The following FGF14 variants were observed in gnomAD, a reference collection of about 807,000 sequenced individuals.
FGF14 encodes the protein fibroblast growth factor homologous factor 4.
A neutral mutation model predicts 25.5 loss-of-function variants in FGF14; 5 were observed. The ratio of observed to expected loss-of-function variants is 0.20; its 90% CI spans 0.10 to 0.41. The LOEUF (loss-of-function observed/expected upper bound fraction) is 0.41, where lower values mean the gene tolerates loss of function less well. FGF14 is among the 10% of genes least tolerant of loss of function. The pLI, the probability that FGF14 is intolerant of heterozygous loss-of-function variation, is 1.00. For synonymous variants in FGF14, 138 were observed against 118.3 expected, an observed-to-expected ratio of 1.17 and a Z score of -1.08; for missense variants, 222 against 320.1, an observed-to-expected ratio of 0.69 and a Z score of 2.34.
intron 1 of FGF14, among the ~76,000 whole-genome samples, chr13:101,958,549 C>T (rs1334491137): frequency 6.6e-6 from 1 of 152,222 alleles, no homozygotes; most frequent in Non-Finnish European, 1.5e-5. Context: ...CTACACTCCA[C>T]TTGCTGCTCT....
At chr13:102,060,470 G>A (rs1243787265) in intron 1 of FGF14, among the ~76,000 whole-genome samples, 1 of 152,206 alleles carries the variant, frequency 6.6e-6, no homozygotes, top group Non-Finnish European at 1.5e-5. Flanking sequence ...AGCTTGCAGT[G>A]AGCCGAGATC....
intron 1 of FGF14, among the ~76,000 whole-genome samples, chr13:101,955,093 T>A (rs997186748): frequency 1.5e-4 from 23 of 152,240 alleles, no homozygotes; most frequent in African/African-American, 5.5e-4. Context: ...CTCTAACTCT[T>A]GAATAGTGTG....
intron 1 of FGF14, among the ~76,000 whole-genome samples, chr13:102,281,357 C>T (rs1043814337): frequency 6.6e-6 from 1 of 152,100 alleles, no homozygotes; most frequent in African/African-American, 2.4e-5. Flanking sequence ...GTGGCCCTCT[C>T]CCTGAAAACT....
intron 3 of FGF14, among the ~76,000 whole-genome samples, chr13:101,757,615 TG>T (rs2037749171): frequency 6.6e-6 from 1 of 152,216 alleles, no homozygotes; most frequent in African/African-American, 2.4e-5. Context: ...TTACTTTATA[TG>T]CACCCTGATT....
At chr13:102,394,202 T>A (rs1566984664) in intron 1 of FGF14, among the ~76,000 whole-genome samples, 1 of 152,160 alleles carries the variant, frequency 6.6e-6, no homozygotes, top group Non-Finnish European at 1.5e-5. Flanking sequence ...CCAGCTCCCT[T>A]CCCTTTCCTT....
chr13:101,805,371 A>T (rs773454756), intron 3 of FGF14, among the ~76,000 whole-genome samples: 2 of 152,186 alleles, frequency 1.3e-5, no homozygotes, highest in Admixed American at 6.6e-5. Flanking sequence ...TTGTATTTTT[A>T]AAATATAAGA....
At chr13:102,103,005 G>A (rs1005943237) in intron 1 of FGF14, among the ~76,000 whole-genome samples, 17 of 152,142 alleles carry the variant, frequency 1.1e-4, no homozygotes, top group African/African-American at 4.1e-4. Flanking sequence ...TGTGACATCT[G>A]CCTGGCAAAA....
intron 1 of FGF14, among the ~76,000 whole-genome samples, chr13:101,937,429 T>G (rs186816256): frequency 6.6e-6 from 1 of 152,076 alleles, no homozygotes; most frequent in Non-Finnish European, 1.5e-5. Flanking sequence ...CACACAGAGA[T>G]CCCAGGGTTG....
At chr13:102,034,983 C>G (rs2041398681) in intron 1 of FGF14, among the ~76,000 whole-genome samples, 1 of 152,050 alleles carries the variant, frequency 6.6e-6, no homozygotes, top group Admixed American at 6.6e-5. Flanking sequence ...ATGTCTAATA[C>G]CATCTTCTGT....
intron 1 of FGF14, among the ~76,000 whole-genome samples, chr13:102,201,902 C>T (rs924363965): frequency 1.3e-5 from 2 of 152,068 alleles, no homozygotes; most frequent in African/African-American, 2.4e-5. Flanking sequence ...CCAAATCTCC[C>T]GTTGGATTAT....
Position 101,736,813 on chromosome 13 carries a change from C to T in FGF14, c.409-10003G>A, listed in dbSNP as rs564550889. Among the ~76,000 whole-genome samples the T allele has an allele frequency of 1.0e-3, 157 of 151,760 alleles. 1 individual carries two copies. Among genetic ancestry groups the T allele is most frequent in the African/African-American group, 3.6e-3 (151 of 41,490 alleles). On this transcript the variant is annotated intron_variant, in intron 3 of 4. Transcript: ENST00000376143. ...GAGAGTTTGTACAGTTAGTAAGTGG[C>T]GAAGCAGGTTCTAATGCCAACCTGA...
At chr13:102,006,930 G>A (rs915755264) in intron 1 of FGF14, among the ~76,000 whole-genome samples, 2 of 150,600 alleles carry the variant, frequency 1.3e-5, no homozygotes, top group Admixed American at 1.3e-4. Context: ...ATTTTTAGTA[G>A]AGACGGGGTT....
intron 1 of FGF14, among the ~76,000 whole-genome samples, chr13:102,031,765 T>C (rs1004539668): frequency 5.3e-5 from 8 of 151,942 alleles, no homozygotes; most frequent in Non-Finnish European, 5.9e-5. Flanking sequence ...TAGAAATGTA[T>C]TTCCTTAAGG....
At chr13:101,978,639 A>G (rs1473008458) in intron 1 of FGF14, among the ~76,000 whole-genome samples, 1 of 152,230 alleles carries the variant, frequency 6.6e-6, no homozygotes, top group Non-Finnish European at 1.5e-5. Context: ...CATCTCCAAT[A>G]TCACTATGCT....
At chr13:101,916,307 C>T in intron 1 of FGF14, 146 bp downstream of exon 1, 1 of 994,770 alleles carries the variant, frequency 1.0e-6, no homozygotes, top group South Asian at 1.4e-5. Context: ...TCCAGGGTCC[C>T]CGCGACGGCA....
At chr13:101,988,397 C>G (rs1280291466) in intron 1 of FGF14, among the ~76,000 whole-genome samples, 4 of 151,856 alleles carry the variant, frequency 2.6e-5, no homozygotes, top group African/African-American at 9.7e-5. Context: ...TCTATTCAAC[C>G]CAACACAAAT....
At chr13:101,888,199 A>G (rs1032174614) in intron 1 of FGF14, among the ~76,000 whole-genome samples, 2 of 152,152 alleles carry the variant, frequency 1.3e-5, no homozygotes, top group African/African-American at 4.8e-5. Flanking sequence ...GAAATAGTAA[A>G]CATATTTTCT....
intron 1 of FGF14, among the ~76,000 whole-genome samples, chr13:102,150,546 C>T (rs2047040413): frequency 6.6e-6 from 1 of 152,220 alleles, no homozygotes; most frequent in South Asian, 2.1e-4. Context: ...CCTATGATTC[C>T]CGATTCTATT....
chr13:101,829,753 C>G (rs2042578635), intron 3 of FGF14, among the ~76,000 whole-genome samples: 2 of 152,052 alleles, frequency 1.3e-5, no homozygotes, highest in Admixed American at 1.3e-4. Context: ...TCTTGATTCA[C>G]TAGGGGTTAA....
Sources: allele counts gnomAD v4.1 joint callset (sites outside exome capture counted in the v4.1 genomes callset), GRCh38; gene constraint gnomAD v4.1.1; transcripts MANE v1.5; gene names NCBI Gene and HGNC (gene_info 2026-07-23, HGNC 2026-07-21).